Variants in PDE4D observed in about 807,000 individuals in gnomAD.
PDE4D encodes 3',5'-cyclic-AMP phosphodiesterase 4D.
PDE4D carries 24 observed loss-of-function variants against 87.4 expected under a neutral mutation model. That is an observed-to-expected ratio of 0.27 (90% CI 0.20 to 0.39). PDE4D has a LOEUF of 0.39. Among genes scored for constraint, PDE4D ranks in the 10% least tolerant of loss-of-function variants. The pLI, the probability that PDE4D is intolerant of heterozygous loss-of-function variation, is 1.00. For synonymous variants in PDE4D, 384 were observed against 383.2 expected, an observed-to-expected ratio of 1.00 and a Z score of -0.02; for missense variants, 714 against 1,041.0, an observed-to-expected ratio of 0.69 and a Z score of 4.32.
At chr5:60,484,584 G>A (rs184722396) in intron 1 of PDE4D, among the ~76,000 whole-genome samples, 17 of 152,150 alleles carry the variant, frequency 1.1e-4, no homozygotes, top group South Asian at 8.3e-4. Context: ...TGCCACATTC[G>A]TTTATCACAG....
chr5:59,840,141 C>T (rs1459321206), intron 1 of PDE4D, among the ~76,000 whole-genome samples: 1 of 151,806 alleles, frequency 6.6e-6, no homozygotes, highest in Admixed American at 6.6e-5. Context: ...AAAACCTCTT[C>T]CTCTTCCATG....
At chr5:59,094,838 C>T (rs923902702) in intron 5 of PDE4D, among the ~76,000 whole-genome samples, 1 of 151,950 alleles carries the variant, frequency 6.6e-6, no homozygotes, top group Non-Finnish European at 1.5e-5. Context: ...GCTTTTATCC[C>T]CAACTTGGAT....
chr5:60,032,239 C>A (rs1443214802), intron 2 of PDE4D, among the ~76,000 whole-genome samples: 1 of 152,120 alleles, frequency 6.6e-6, no homozygotes, highest in African/African-American at 2.4e-5. Context: ...TTAATGACTT[C>A]TTGGATAGAA....
intron 1 of PDE4D, among the ~76,000 whole-genome samples, chr5:60,305,800 T>C (rs898827501): frequency 5.9e-5 from 9 of 151,328 alleles, no homozygotes; most frequent in African/African-American, 1.9e-4. Context: ...TGTGTGTGTA[T>C]AAATATATAT....
intron 1 of PDE4D, among the ~76,000 whole-genome samples, chr5:60,340,063 G>C (rs1474938000): frequency 1.3e-5 from 2 of 152,232 alleles, no homozygotes; most frequent in Non-Finnish European, 2.9e-5. Context: ...ATGTCAATGT[G>C]CATGTGGCTT....
At chr5:60,104,590 C>A (rs534166237) in intron 2 of PDE4D, among the ~76,000 whole-genome samples, 1 of 152,280 alleles carries the variant, frequency 6.6e-6, no homozygotes, top group African/African-American at 2.4e-5. Context: ...GACCCCCGAG[C>A]AGCCTAACTG....
chr5:59,616,806 A>G lies in PDE4D; in HGVS notation c.455+276362T>C, dbSNP rs58786646. Reference sequence around the variant, plus strand: ...TTTTTTTCCTATTCTATGCATTTCAAGAGCTAAAATAAGTGTGGGAAAGGA... The same window carrying G: ...TTTTTTTCCTATTCTATGCATTTCAGGAGCTAAAATAAGTGTGGGAAAGGA... On this transcript the variant is annotated intron_variant, in intron 1 of 14. Coordinates refer to ENST00000340635, the MANE Select transcript of PDE4D (RefSeq NM_001104631.2). 7.1e-3 allele frequency among the ~76,000 whole-genome samples: 1,067 copies of G among 150,978 alleles called. 16 individuals carry two copies. Among genetic ancestry groups the G allele is most frequent in the African/African-American group, 0.024 (987 of 41,236 alleles).
At chr5:60,247,193 T>G (rs1747883073) in intron 1 of PDE4D, among the ~76,000 whole-genome samples, 1 of 151,978 alleles carries the variant, frequency 6.6e-6, no homozygotes, top group Non-Finnish European at 1.5e-5. Context: ...TCTCAAGCCC[T>G]TTGTTAGTGA....
chr5:60,001,757 G>T (rs967379317), intron 2 of PDE4D, among the ~76,000 whole-genome samples: 1 of 151,826 alleles, frequency 6.6e-6, no homozygotes, highest in Non-Finnish European at 1.5e-5. Context: ...ACAAAATGAC[G>T]GGGGAAAGTA....
At chr5:60,305,121 T>C (rs1754372255) in intron 1 of PDE4D, among the ~76,000 whole-genome samples, 1 of 150,586 alleles carries the variant, frequency 6.6e-6, no homozygotes, top group Non-Finnish European at 1.5e-5. Context: ...AGAACAAACC[T>C]CTGAAAAATT....
At chr5:59,416,256 C>T (rs531912991) in intron 1 of PDE4D, among the ~76,000 whole-genome samples, 182 of 152,180 alleles carry the variant, frequency 1.2e-3, no homozygotes, top group Non-Finnish European at 2.2e-3. Flanking sequence ...TCTATCTTCA[C>T]GTCAGTCTCA....
At chr5:59,395,119 G>A (rs962042746) in intron 1 of PDE4D, among the ~76,000 whole-genome samples, 4 of 151,968 alleles carry the variant, frequency 2.6e-5, no homozygotes, top group Admixed American at 6.6e-5. Flanking sequence ...ACAGCAGTCT[G>A]AGATCAAACT....
chr5:59,315,978 C>T (rs1242748544), intron 1 of PDE4D, among the ~76,000 whole-genome samples: 1 of 152,108 alleles, frequency 6.6e-6, no homozygotes, highest in Non-Finnish European at 1.5e-5. Context: ...TCAATCTTTC[C>T]AGTTGCCCAC....
chr5:59,107,282 G>C (rs1771763961), intron 5 of PDE4D, among the ~76,000 whole-genome samples: 1 of 152,084 alleles, frequency 6.6e-6, no homozygotes, highest in African/African-American at 2.4e-5. Flanking sequence ...CACGATCTTG[G>C]CTCGCAACAT....
At chr5:59,300,714 G>C (rs1356485957) in intron 1 of PDE4D, among the ~76,000 whole-genome samples, 1 of 151,998 alleles carries the variant, frequency 6.6e-6, no homozygotes, top group African/African-American at 2.4e-5. Flanking sequence ...CACTAGCTGG[G>C]TGTCCTGTAA....
At chr5:59,031,393 TATA>T in intron 6 of PDE4D, among the ~76,000 whole-genome samples, 3 of 29,684 alleles carry the variant, frequency 1.0e-4, no homozygotes, top group Non-Finnish European at 1.8e-4. Context: ...ATATATATAT[TATA>T]TATATATATA....
At chr5:59,949,612 T>A (rs960943583) in intron 3 of PDE4D, among the ~76,000 whole-genome samples, 1 of 152,182 alleles carries the variant, frequency 6.6e-6, no homozygotes, top group African/African-American at 2.4e-5. Context: ...CAAGTGGGCC[T>A]GATTCTCTGG....
At chr5:59,614,441 T>C (rs1159171085) in intron 1 of PDE4D, among the ~76,000 whole-genome samples, 3 of 152,210 alleles carry the variant, frequency 2.0e-5, no homozygotes, top group African/African-American at 7.2e-5. Flanking sequence ...GAAAAGTGAA[T>C]TTAAAAATAA....
chr5:60,379,178 G>C (rs34761935), intron 1 of PDE4D, among the ~76,000 whole-genome samples: 37,042 of 131,354 alleles, frequency 0.28, 4,790 homozygotes, highest in South Asian at 0.45. Context: ...TTTTAAAACT[G>C]TAACCAGGAA....
Sources: gnomAD v4.1 joint callset for allele counts (sites outside exome capture counted in the v4.1 genomes callset) on GRCh38, gnomAD v4.1.1 for gene constraint, MANE v1.5 for transcripts, NCBI Gene and HGNC (gene_info 2026-07-23, HGNC 2026-07-21) for gene names.